KCNIP1: variants seen among roughly 807,000 people sequenced by gnomAD.
The protein encoded by KCNIP1 is potassium voltage-gated channel interacting protein 1, also known as A-type potassium channel modulatory protein KCNIP1.
In KCNIP1, 18 loss-of-function variants were observed where a neutral mutation model predicts 33.0. The observed-to-expected ratio is 0.55, with a 90% CI of 0.38 to 0.81. The LOEUF (loss-of-function observed/expected upper bound fraction) is 0.81. KCNIP1 is among the 30% of genes least tolerant of loss of function. KCNIP1 has a pLI of 0.00. For synonymous variants in KCNIP1, 93 were observed against 98.3 expected, an observed-to-expected ratio of 0.95 and a Z score of 0.32; for missense variants, 238 against 271.6, an observed-to-expected ratio of 0.88 and a Z score of 0.87.
In KCNIP1 at chr5:170,534,252, T is replaced by C. The variant is rs1446265977; in HGVS notation, c.61+29619T>C. Among the ~76,000 whole-genome samples the C allele has an allele frequency of 2.0e-5, 3 of 152,154 alleles. No homozygotes were observed. The East Asian group carries it at 5.8e-4, about 29-fold the overall frequency. On this transcript the variant is annotated intron_variant, in intron 1 of 7. Transcript: ENST00000328939. ...TTAGAGGTTCATTGGTGGCTCCTGATTGGTGCAGCTTCTAGTTTCAACTTA... is the reference window on the plus strand; with the variant it reads ...TTAGAGGTTCATTGGTGGCTCCTGACTGGTGCAGCTTCTAGTTTCAACTTA...
chr5:170,689,578 G>A (rs907323187), intron 1 of KCNIP1, among the ~76,000 whole-genome samples: 5 of 152,190 alleles, frequency 3.3e-5, no homozygotes, highest in African/African-American at 9.7e-5. Flanking sequence ...CTGCCTCAAA[G>A]GAACCAGAGA....
chr5:170,439,999 A>G (rs1193410302), intron 1 of KCNIP1, among the ~76,000 whole-genome samples: 1 of 152,192 alleles, frequency 6.6e-6, no homozygotes, highest in Admixed American at 6.5e-5. Flanking sequence ...TTGCAATGGG[A>G]CTGTTCTTGG....
intron 1 of KCNIP1, among the ~76,000 whole-genome samples, chr5:170,590,099 T>C (rs1401955112): frequency 6.6e-6 from 1 of 152,058 alleles, no homozygotes; most frequent in Non-Finnish European, 1.5e-5. Flanking sequence ...TGGCCGATCA[T>C]AGGTAAGTGC....
At chr5:170,657,856 C>T (rs1761329745) in intron 1 of KCNIP1, among the ~76,000 whole-genome samples, 1 of 152,182 alleles carries the variant, frequency 6.6e-6, no homozygotes, top group Non-Finnish European at 1.5e-5. Context: ...CCATGCCAGA[C>T]CTGCTGCTGG....
chr5:170,449,878 G>A (rs1395592513), intron 1 of KCNIP1, among the ~76,000 whole-genome samples: 1 of 152,096 alleles, frequency 6.6e-6, no homozygotes, highest in African/African-American at 2.4e-5. Flanking sequence ...AGTTCAGTCA[G>A]GGTGGTAGGA....
At chr5:170,506,786 G>A (rs1754736133) in intron 1 of KCNIP1, among the ~76,000 whole-genome samples, 1 of 152,176 alleles carries the variant, frequency 6.6e-6, no homozygotes, top group South Asian at 2.1e-4. Context: ...CGAAGCACTG[G>A]GCACTCAGCC....
At chr5:170,567,264 A>G (rs1757236110) in intron 1 of KCNIP1, among the ~76,000 whole-genome samples, 1 of 152,202 alleles carries the variant, frequency 6.6e-6, no homozygotes, top group Admixed American at 6.5e-5. Flanking sequence ...GCATCCTACA[A>G]GGCCTGGGGA....
rs184825620 is a variant in KCNIP1, at chr5:170,392,121, G to A, written c.88+38157G>A. On this transcript the variant is annotated intron_variant, in intron 1 of 7. Transcript: ENST00000377360. ...CATGTACCTGGGAACCAGCCACCAT[G>A]TTGTAGGAAGCCGAGGCCCCGTGCT... 9.3e-4 allele frequency among the ~76,000 whole-genome samples: 142 copies of A among 152,306 alleles called. 1 individual carries two copies. Among genetic ancestry groups the A allele is most frequent in the Non-Finnish European group, 1.7e-3 (116 of 68,030 alleles).
chr5:170,456,315 G>T (rs1008929538), intron 1 of KCNIP1, among the ~76,000 whole-genome samples: 5 of 151,940 alleles, frequency 3.3e-5, no homozygotes, highest in Admixed American at 6.6e-5. Context: ...GTCGGAGGGT[G>T]GGGGGCAAGT....
At chr5:170,372,104 G>C (rs1763861197) in intron 1 of KCNIP1, among the ~76,000 whole-genome samples, 1 of 152,082 alleles carries the variant, frequency 6.6e-6, no homozygotes, top group South Asian at 2.1e-4. Context: ...CCACCTGACT[G>C]ACAGAACATT....
At chr5:170,705,144 A>G (rs1763216779) in intron 1 of KCNIP1, among the ~76,000 whole-genome samples, 1 of 152,234 alleles carries the variant, frequency 6.6e-6, no homozygotes, top group Non-Finnish European at 1.5e-5. Flanking sequence ...AGTCTAATCA[A>G]AGGCATTTGA....
chr5:170,612,651 G>A (rs1759209575), intron 1 of KCNIP1, among the ~76,000 whole-genome samples: 1 of 152,170 alleles, frequency 6.6e-6, no homozygotes, highest in Non-Finnish European at 1.5e-5. Flanking sequence ...GTTTAATGGA[G>A]TGGAGTCCCG....
chr5:170,514,437 T>C (rs751783748), intron 1 of KCNIP1, among the ~76,000 whole-genome samples: 20 of 152,328 alleles, frequency 1.3e-4, no homozygotes, highest in Admixed American at 2.6e-4. Flanking sequence ...CCTTGTCTTC[T>C]TCCCTCTTTG....
At chr5:170,631,403 G>A (rs570303334) in intron 1 of KCNIP1, among the ~76,000 whole-genome samples, 16 of 152,256 alleles carry the variant, frequency 1.1e-4, no homozygotes, top group African/African-American at 3.9e-4. Flanking sequence ...CCAGGAAGGG[G>A]CTTCAGGAAC....
intron 1 of KCNIP1, among the ~76,000 whole-genome samples, chr5:170,544,410 A>G (rs1194966691): frequency 2.0e-5 from 3 of 152,256 alleles, no homozygotes; most frequent in Non-Finnish European, 4.4e-5. Context: ...GATCTCATTG[A>G]TACTTCATTT....
rs373269164 is a variant in KCNIP1 at position 170,638,789 on chromosome 5, G to A, written c.62-79969G>A. Among the ~76,000 whole-genome samples the A allele has an allele frequency of 5.9e-5, 9 of 152,302 alleles. No homozygotes were observed. The South Asian group carries it at 1.7e-3, about 28-fold the overall frequency. The stretch of plus-strand genomic sequence containing the variant: ...ATGTGGCCATTGCCCACACTACAAC[G>A]ACAGAGGAAGCCTCAGGGGAACCCT... On this transcript the variant is annotated intron_variant, in intron 1 of 7. Coordinates refer to ENST00000328939, the MANE Select transcript of KCNIP1 (RefSeq NM_014592.4).
At chr5:170,728,184 G>A (rs1253422589) in intron 5 of KCNIP1, among the ~76,000 whole-genome samples, 1 of 152,112 alleles carries the variant, frequency 6.6e-6, no homozygotes, top group African/African-American at 2.4e-5. Flanking sequence ...AAATACCCCA[G>A]CCTGGTACAC....
intron 1 of KCNIP1, among the ~76,000 whole-genome samples, chr5:170,442,056 G>A (rs1233621576): frequency 1.3e-5 from 2 of 151,436 alleles, no homozygotes; most frequent in African/African-American, 4.9e-5. Flanking sequence ...ACCACTCAGT[G>A]CCCCAGCCAA....
chr5:170,483,237 C>T, intron 1 of KCNIP1: 1 of 308,168 alleles, frequency 3.2e-6, no homozygotes, highest in Admixed American at 4.6e-5. Flanking sequence ...TGGGAACACC[C>T]TAGGGTGATC....
Sources: gnomAD v4.1 joint callset for allele counts (sites outside exome capture counted in the v4.1 genomes callset) on GRCh38, gnomAD v4.1.1 for gene constraint, MANE v1.5 for transcripts, NCBI Gene and HGNC (gene_info 2026-07-23, HGNC 2026-07-21) for gene names.